The following PDE6A variants were observed in gnomAD, a reference collection of about 807,000 sequenced individuals.
PDE6A encodes phosphodiesterase 6A.
In PDE6A, 84 loss-of-function variants were observed where a neutral mutation model predicts 106.3. That is an observed-to-expected ratio of 0.79 (90% CI 0.66 to 0.95). PDE6A has a LOEUF of 0.95. Ranked by LOEUF, PDE6A falls within the 40% of genes least tolerant of loss-of-function variation. The pLI, the probability that PDE6A is intolerant of heterozygous loss-of-function variation, is 0.00. For missense variants in PDE6A, 1,052 were observed against 1,084.9 expected (o/e 0.97, Z 0.43); for synonymous variants, 394 against 386.6 (o/e 1.02, Z -0.23).
chr5:149,866,104 C>A, intron 20 of PDE6A, 66 bp downstream of exon 20: 3 of 1,122,498 alleles, frequency 2.7e-6, no homozygotes, highest in Non-Finnish European at 4.1e-6. Flanking sequence ...ATTATTCCTG[C>A]TGTTGTCTGG....
At chr5:149,869,520 A>AG (rs1760459484) in intron 17 of PDE6A, among the ~76,000 whole-genome samples, 2 of 152,268 alleles carry the variant, frequency 1.3e-5, no homozygotes, top group Admixed American at 1.3e-4. Flanking sequence ...GGAGGGAGCA[A>AG]GGGGGGTGGA....
At chr5:149,935,662 A>G (rs1236109715) in intron 1 of PDE6A, among the ~76,000 whole-genome samples, 1 of 152,248 alleles carries the variant, frequency 6.6e-6, no homozygotes, top group Non-Finnish European at 1.5e-5. Flanking sequence ...GTGGTGGACC[A>G]TGCGGTCAGG....
intron 8 of PDE6A, among the ~76,000 whole-genome samples, chr5:149,900,665 T>C (rs1481298592): frequency 3.3e-5 from 5 of 152,066 alleles, no homozygotes; most frequent in Admixed American, 1.3e-4. Context: ...ATAATTGTTA[T>C]TATTTAAATA....
At chr5:149,866,401 A>G (rs1760332937) in intron 19 of PDE6A, 148 bp from the exon 20 acceptor site, 1 of 639,620 alleles carries the variant, frequency 1.6e-6, no homozygotes, top group African/African-American at 1.8e-5. Flanking sequence ...ATAGAGAAAC[A>G]TGTTAAAGAA....
intron 17 of PDE6A, among the ~76,000 whole-genome samples, chr5:149,875,957 C>A (rs531336337): frequency 1.3e-5 from 2 of 152,058 alleles, no homozygotes; most frequent in Non-Finnish European, 2.9e-5. Context: ...TGTGTATATA[C>A]GTGTACATGT....
intron 4 of PDE6A, among the ~76,000 whole-genome samples, chr5:149,929,486 A>T (rs1581208170): frequency 6.6e-6 from 1 of 152,150 alleles, no homozygotes; most frequent in East Asian, 1.9e-4. Context: ...GGGCGCCTGT[A>T]GTCCCAGCTA....
At chr5:149,934,409 C>T (rs889943383) in intron 2 of PDE6A, among the ~76,000 whole-genome samples, 157 bp downstream of exon 2, 5 of 152,248 alleles carry the variant, frequency 3.3e-5, no homozygotes, top group Non-Finnish European at 7.3e-5. Flanking sequence ...AATGTCTTAA[C>T]TATTATTTTA....
intron 10 of PDE6A, 108 bp downstream of exon 10, chr5:149,898,255 C>T: frequency 1.0e-6 from 1 of 958,678 alleles, no homozygotes; most frequent in Non-Finnish European, 1.7e-6. Flanking sequence ...GTGCACAAAC[C>T]CATGCCCAGG....
chr5:149,884,845 G>C lies in PDE6A; in HGVS notation c.1861C>G (p.Leu621Val). 6.2e-7 allele frequency: 1 copy of C among 1,614,020 alleles called. No individual in the cohort carries two copies. The highest frequency in any genetic ancestry group is 1.7e-5 in the Admixed American group (1 of 60,024). Residue 621 changes from leucine (L) to valine (V), a missense_variant, in exon 15 of 22, where the codon CTC becomes GTC. Coordinates refer to ENST00000255266, the MANE Select transcript of PDE6A (RefSeq NM_000440.3). ...CTTTCCAAGATAGAGGACCCATGGA[G>C]CTTGGCCAGTGGGTTCTGGGATCTG... ...QMKSQNPLAKLHGSSILERHH... is the reference protein window; with the variant it reads ...QMKSQNPLAKVHGSSILERHH...
At chr5:149,932,409 G>T (rs1754063409) in intron 3 of PDE6A, 5 of 1,365,108 alleles carry the variant, frequency 3.7e-6, no homozygotes, top group South Asian at 2.4e-5. Context: ...TGTTTTTAGT[G>T]CGAGGAGTTT....
At chr5:149,942,538 A>C (rs894671725) in intron 1 of PDE6A, among the ~76,000 whole-genome samples, 3 of 152,078 alleles carry the variant, frequency 2.0e-5, no homozygotes, top group African/African-American at 7.2e-5. Flanking sequence ...TGAGAGACTG[A>C]GGAAAGAAAT....
Position 149,934,598 on chromosome 5 carries a change from C to T in PDE6A, c.595G>A (p.Asp199Asn). The T allele has an allele frequency of 1.2e-6, 2 of 1,614,180 alleles. No individual in the cohort carries two copies. The highest frequency in any genetic ancestry group is 1.7e-6 in the Non-Finnish European group (2 of 1,180,016). The change falls in exon 2 of 22, where the codon GAT (aspartate) becomes AAT (asparagine). Residue 199 changes from aspartate (D) to asparagine (N), a missense_variant. Physicochemically the swap from Asp to Asn is conservative, Grantham distance 23. Transcript: ENST00000255266. ...VAIIMAVNKV[D>N]GSHFTKRDEE... is the part of the protein sequence containing the mutation. Reference sequence around the variant, plus strand: ...TCTCTCTTGGTGAAGTGGGATCCATCCACTTTATTCACAGCCATGATTATG... The same window carrying T: ...TCTCTCTTGGTGAAGTGGGATCCATTCACTTTATTCACAGCCATGATTATG...
intron 4 of PDE6A, among the ~76,000 whole-genome samples, chr5:149,923,620 G>C (rs2113644546): frequency 6.6e-6 from 1 of 152,150 alleles, no homozygotes; most frequent in South Asian, 2.1e-4. Context: ...CACAGGCAGA[G>C]GGAAGAGGAA....
chr5:149,907,675 T>C (rs771316270), intron 6 of PDE6A, among the ~76,000 whole-genome samples: 1 of 152,210 alleles, frequency 6.6e-6, no homozygotes, highest in East Asian at 1.9e-4. Context: ...ACAAACACCA[T>C]CACTTCCCTC....
intron 7 of PDE6A, among the ~76,000 whole-genome samples, chr5:149,904,225 C>T (rs10045805): frequency 0.17 from 25,430 of 152,082 alleles, 2,220 homozygotes; most frequent in African/African-American, 0.21. Flanking sequence ...CCAGCCTGAG[C>T]GACAGAGTGA....
intron 4 of PDE6A, among the ~76,000 whole-genome samples, chr5:149,930,694 T>C (rs1050783988): frequency 6.6e-6 from 1 of 152,240 alleles, no homozygotes; most frequent in African/African-American, 2.4e-5. Context: ...TGAGAATCCC[T>C]GAAGTTGGCA....
intron 6 of PDE6A, among the ~76,000 whole-genome samples, chr5:149,908,072 C>A (rs1026550185): frequency 6.6e-6 from 1 of 152,150 alleles, no homozygotes; most frequent in Non-Finnish European, 1.5e-5. Context: ...GCATGTTTTC[C>A]TGTACCTGTT....
In PDE6A at chr5:149,868,178, T is replaced by G; in HGVS notation, c.2136-20A>C. The G allele has an allele frequency of 6.2e-7, 1 of 1,612,136 alleles. No individual in the cohort carries two copies. The highest frequency in any genetic ancestry group is 8.5e-7 in the Non-Finnish European group (1 of 1,178,196). ...ATGGCCCTGGGCACACAGGACACCCTCTATCAGTCCAGGGCCATTTAAGAC... is the reference window on the plus strand; with the variant it reads ...ATGGCCCTGGGCACACAGGACACCCGCTATCAGTCCAGGGCCATTTAAGAC... On this transcript the variant is annotated intron_variant, in intron 17 of 21. Coordinates refer to ENST00000255266, the MANE Select transcript of PDE6A (RefSeq NM_000440.3).
chr5:149,898,860 AT>A lies in PDE6A; in HGVS notation c.1264-355del, dbSNP rs1490183135. Among the ~76,000 whole-genome samples, 11 of 152,122 alleles carry A rather than the reference AT, an allele frequency of 7.2e-5. No homozygotes were observed. In the East Asian group the frequency reaches 2.1e-3, roughly 29 times the overall value. ...CTCTAAAAAGTAAAGTTTGTTAATT[AT>A]TTTTTATTTTTTATTTTTTTGAGAC... is the stretch of plus-strand genomic sequence containing the variant. On this transcript the variant is annotated intron_variant, in intron 9 of 21. Transcript: ENST00000255266.
Sources: allele counts gnomAD v4.1 joint callset (sites outside exome capture counted in the v4.1 genomes callset), GRCh38; gene constraint gnomAD v4.1.1; transcripts MANE v1.5; gene names NCBI Gene and HGNC (gene_info 2026-07-23, HGNC 2026-07-21).